The following EPM2A variants were observed in gnomAD, a reference collection of about 807,000 sequenced individuals.
EPM2A encodes laforin.
In EPM2A, 21 loss-of-function variants were observed where a neutral mutation model predicts 26.5. That is an observed-to-expected ratio of 0.79 (90% confidence interval 0.56 to 1.14). The LOEUF (loss-of-function observed/expected upper bound fraction) is 1.14. Among genes scored for constraint, EPM2A ranks in the 50% most tolerant of loss-of-function variants. The pLI is 0.00. For missense variants in EPM2A, 458 were observed against 440.8 expected (o/e 1.04, Z -0.35); for synonymous variants, 217 against 177.6 (o/e 1.22, Z -1.76).
At chr6:145,716,465 T>C (rs1345543967) in intron 1 of EPM2A, among the ~76,000 whole-genome samples, 1 of 152,198 alleles carries the variant, frequency 6.6e-6, no homozygotes, top group Non-Finnish European at 1.5e-5. Context: ...TCTGATGTTT[T>C]ATGTTTGACA....
At chr6:145,430,332 G>A (rs149762043) in intron 4 of EPM2A, among the ~76,000 whole-genome samples, 1 of 152,248 alleles carries the variant, frequency 6.6e-6, no homozygotes, top group East Asian at 1.9e-4. Flanking sequence ...CAGAGCGGTG[G>A]CTCACGGTTG....
Position 145,570,999 on chromosome 6 carries a change from G to T in EPM2A, c.340+64246C>A, listed in dbSNP as rs2143066. The stretch of plus-strand genomic sequence containing the variant: ...TCATAACTTCCAGTTTAATAGAATT[G>T]TTGTTGTGTCTCCTGGTGGCAGCAT... On this transcript the variant is annotated intron_variant, in intron 2 of 3. Transcript: ENST00000450221. Among the ~76,000 whole-genome samples, 695 of 152,222 alleles carry T rather than the reference G, an allele frequency of 4.6e-3. 22 individuals are homozygous for T. The East Asian group carries it at 0.1, about 22-fold the overall frequency.
chr6:145,436,205 G>T (rs1472718948), intron 4 of EPM2A, among the ~76,000 whole-genome samples: 1 of 152,076 alleles, frequency 6.6e-6, no homozygotes, highest in African/African-American at 2.4e-5. Context: ...CAAATATGTT[G>T]CATTGTACAG....
At position 145,627,148 on chromosome 6, in the gene EPM2A, C is replaced by T; in HGVS notation, c.*268G>A. 7.3e-7 allele frequency: 1 copy of T among 1,365,526 alleles called. No homozygotes were observed. Among genetic ancestry groups the T allele is most frequent in the Non-Finnish European group, 9.5e-7 (1 of 1,056,446 alleles). 84.6% of individuals were successfully genotyped at this position (1,365,526 alleles called of 1,614,324 possible). Reference sequence around the variant, plus strand: ...CTCGTCTGCCTGCAGGCAGCAGGAACTGCACGCATTACCCTTCTGTCTGAT... The same window carrying T: ...CTCGTCTGCCTGCAGGCAGCAGGAATTGCACGCATTACCCTTCTGTCTGAT... On this transcript the variant is annotated 3_prime_UTR_variant, in exon 4 of 4. Coordinates refer to ENST00000367519, the MANE Select transcript of EPM2A (RefSeq NM_005670.4).
At chr6:145,477,749 A>T (rs967588563) in intron 4 of EPM2A, among the ~76,000 whole-genome samples, 2 of 151,792 alleles carry the variant, frequency 1.3e-5, no homozygotes, top group Non-Finnish European at 3.0e-5. Context: ...GATGAAAACC[A>T]TCAACAAACT....
At chr6:145,414,293 CT>C (rs906325928) in intron 4 of EPM2A, among the ~76,000 whole-genome samples, 6 of 151,388 alleles carry the variant, frequency 4.0e-5, no homozygotes, top group African/African-American at 1.5e-4. Flanking sequence ...ACTTCATGAA[CT>C]CTGAATTTCT....
chr6:145,443,867 A>G (rs769781979), intron 4 of EPM2A, among the ~76,000 whole-genome samples: 6 of 152,108 alleles, frequency 3.9e-5, no homozygotes, highest in Non-Finnish European at 8.8e-5. Flanking sequence ...GTTTCTCTGC[A>G]CAAGCCTTAC....
intron 4 of EPM2A, among the ~76,000 whole-genome samples, chr6:145,398,986 C>G (rs1562320314): frequency 6.6e-6 from 1 of 152,108 alleles, no homozygotes; most frequent in Non-Finnish European, 1.5e-5. Context: ...TTACCACCCC[C>G]TTTTTAATCT....
At chr6:145,465,671 T>A (rs1030884744) in intron 4 of EPM2A, among the ~76,000 whole-genome samples, 2 of 152,002 alleles carry the variant, frequency 1.3e-5, no homozygotes, top group Admixed American at 6.6e-5. Context: ...TTCTGTTTGT[T>A]AGTTTTCCTT....
chr6:145,512,273 A>T (rs1279694871), intron 2 of EPM2A, among the ~76,000 whole-genome samples: 3 of 152,146 alleles, frequency 2.0e-5, no homozygotes, highest in East Asian at 3.9e-4. Context: ...AAAACCAAAA[A>T]ATAGCCTGAA....
At chr6:145,566,959 A>G (rs1348031434) in intron 2 of EPM2A, among the ~76,000 whole-genome samples, 1 of 152,190 alleles carries the variant, frequency 6.6e-6, no homozygotes, top group Admixed American at 6.5e-5. Context: ...AAATCACAGA[A>G]AGAGTAAGTT....
At chr6:145,401,529 T>C (rs1403477970) in intron 4 of EPM2A, among the ~76,000 whole-genome samples, 1 of 152,168 alleles carries the variant, frequency 6.6e-6, no homozygotes, top group African/African-American at 2.4e-5. Flanking sequence ...TATTGCATTC[T>C]ACCCCAAAGT....
chr6:145,670,975 G>T (rs753892774), intron 2 of EPM2A: 70 of 983,248 alleles, frequency 7.1e-5, no homozygotes, highest in Non-Finnish European at 8.3e-5. Context: ...ATGAACAATT[G>T]TAATCTTGGT....
intron 2 of EPM2A, among the ~76,000 whole-genome samples, chr6:145,572,392 A>G (rs1367139952): frequency 6.6e-6 from 1 of 152,096 alleles, no homozygotes; most frequent in Admixed American, 6.5e-5. Context: ...CATGTAACTT[A>G]CTTGTGCCTT....
intron 4 of EPM2A, among the ~76,000 whole-genome samples, chr6:145,427,559 A>G (rs1778868152): frequency 6.6e-6 from 1 of 152,192 alleles, no homozygotes; most frequent in Non-Finnish European, 1.5e-5. Flanking sequence ...AATGAATCTG[A>G]GAGCCAATAG....
chr6:145,582,803 T>C (rs1358045687), intron 2 of EPM2A, among the ~76,000 whole-genome samples: 1 of 152,192 alleles, frequency 6.6e-6, no homozygotes, highest in South Asian at 2.1e-4. Context: ...GATTCATAGA[T>C]TTGGTCTGTT....
intron 1 of EPM2A, among the ~76,000 whole-genome samples, chr6:145,688,467 G>C (rs1431570448): frequency 9.2e-5 from 14 of 152,156 alleles, no homozygotes; most frequent in Non-Finnish European, 2.1e-4. Flanking sequence ...TGCAAAATCT[G>C]AAAGAGGCTG....
At chr6:145,477,173 G>A (rs1414973392) in intron 4 of EPM2A, among the ~76,000 whole-genome samples, 1 of 151,604 alleles carries the variant, frequency 6.6e-6, no homozygotes, top group East Asian at 1.9e-4. Flanking sequence ...ACTATATGCT[G>A]ATAATTGGAA....
intron 1 of EPM2A, among the ~76,000 whole-genome samples, chr6:145,694,835 A>G (rs572448549): frequency 1.5e-4 from 23 of 152,080 alleles, no homozygotes; most frequent in African/African-American, 5.5e-4. Flanking sequence ...ACAGATTTCT[A>G]GAGTGGAAGG....
Sources: gnomAD v4.1 joint callset for allele counts (sites outside exome capture counted in the v4.1 genomes callset) on GRCh38, gnomAD v4.1.1 for gene constraint, MANE v1.5 for transcripts, NCBI Gene and HGNC (gene_info 2026-07-23, HGNC 2026-07-21) for gene names.